The following MYO18A variants were observed in gnomAD, a reference collection of about 807,000 sequenced individuals.
MYO18A encodes myosin XVIIIA, also known as unconventional myosin-XVIIIa.
A neutral mutation model predicts 235.8 loss-of-function variants in MYO18A; 78 were observed. The observed-to-expected ratio is 0.33, with a 90% CI of 0.28 to 0.40. MYO18A has a LOEUF of 0.40. Ranked by LOEUF, MYO18A falls within the 10% of genes least tolerant of loss-of-function variation. The pLI is 1.00. For missense variants in MYO18A, 2,215 were observed against 2,699.3 expected (o/e 0.82, Z 3.98); for synonymous variants, 977 against 1,077.8 (o/e 0.91, Z 1.83).
intron 2 of MYO18A, among the ~76,000 whole-genome samples, chr17:29,127,119 C>T (rs1275496649): frequency 1.3e-5 from 2 of 152,224 alleles, no homozygotes; most frequent in Non-Finnish European, 2.9e-5. Flanking sequence ...TTCTAATCTT[C>T]TGGTTACTTA....
chr17:29,086,350 T>C lies in MYO18A; in HGVS notation c.5852+88A>G. ...GGCTTGCTCATGGGGAGGCAGAGGT[T>C]GCAACTGTTCTACCTGGTCGTCTGG... On this transcript the variant is annotated intron_variant, in intron 39 of 41. Transcript: ENST00000527372. 2.1e-6 allele frequency: 3 copies of C among 1,452,562 alleles called. No homozygotes were observed. The South Asian group carries it at 3.8e-5, about 18-fold the overall frequency. 90.0% of individuals were successfully genotyped at this position (1,452,562 alleles called of 1,614,324 possible).
intron 14 of MYO18A, 62 bp downstream of exon 14, chr17:29,114,845 C>T: frequency 9.2e-6 from 14 of 1,519,830 alleles, no homozygotes; most frequent in Non-Finnish European, 1.3e-5. Context: ...TCCACAGATG[C>T]CCTCGCTGTG....
At chr17:29,095,515 C>T (rs1304567613) in intron 28 of MYO18A, among the ~76,000 whole-genome samples, 1 of 152,240 alleles carries the variant, frequency 6.6e-6, no homozygotes, top group South Asian at 2.1e-4. Flanking sequence ...CTCTGGGCAC[C>T]AGCCTTTGGC....
rs2065892968 is a variant in MYO18A, at chr17:29,072,240, CTT to C, written c.*2528_*2529del. The C allele has an allele frequency of 1.0e-5, 1 of 99,656 alleles. No individual in the cohort carries two copies. Among genetic ancestry groups the C allele is most frequent in the Non-Finnish European group, 1.9e-5 (1 of 53,174 alleles). The allele number at this position is 99,656 out of a possible 1,614,324, so 6.2% of individuals were successfully genotyped here. ...TTTTTTTTTTTGTAAAAAAAAGTAA[CTT>C]AGGCCAGGCACAGTGGCTCATGCCT... On this transcript the variant is annotated 3_prime_UTR_variant, in exon 42 of 42. Transcript: ENST00000527372.
At chr17:29,076,829 T>G (rs977857134) in intron 41 of MYO18A, 1 of 152,208 alleles carries the variant, frequency 6.6e-6, no homozygotes, top group African/African-American at 2.4e-5. Flanking sequence ...GTGCCTGGCT[T>G]TGTGGAAAGA....
rs562320667 is a variant in MYO18A at position 29,150,252 on chromosome 17, T to A, written c.999+15690A>T. ...TAAAAAATAAAGCACAAACCCTATG[T>A]CCATAGAAACAGGAAGAAGCAAAAG... On this transcript the variant is annotated intron_variant, in intron 2 of 41. Transcript: ENST00000527372. Among the ~76,000 whole-genome samples, 4 of 152,326 alleles carry A rather than the reference T, an allele frequency of 2.6e-5. No homozygotes were observed. The East Asian group carries it at 5.8e-4, about 22-fold the overall frequency.
intron 2 of MYO18A, chr17:29,124,634 TG>T: frequency 7.8e-7 from 1 of 1,276,450 alleles, no homozygotes; most frequent in Non-Finnish European, 1.0e-6. Flanking sequence ...GGCTCCTGAG[TG>T]GGGGGAGAGC....
At chr17:29,090,736 T>C (rs1321611653) in intron 35 of MYO18A, 74 bp downstream of exon 35, 1 of 1,537,354 alleles carries the variant, frequency 6.5e-7, no homozygotes, top group Admixed American at 1.7e-5. Context: ...CAAGCGGTTG[T>C]GCGGGGGACC....
At chr17:29,133,307 G>A (rs1240330414) in intron 2 of MYO18A, among the ~76,000 whole-genome samples, 1 of 152,214 alleles carries the variant, frequency 6.6e-6, no homozygotes, top group Non-Finnish European at 1.5e-5. Context: ...CTATGCACAC[G>A]CATAAAGGCA....
chr17:29,166,871 T>C lies in MYO18A; in HGVS notation c.70A>G (p.Lys24Glu). The change falls in exon 2 of 42, where the codon AAA (lysine) becomes GAA (glutamate). Residue 24 changes from lysine to glutamate, a missense_variant. Coordinates refer to ENST00000527372, the MANE Select transcript of MYO18A (RefSeq NM_078471.4). ...TCTGCCGCTGACATCCGCTCCTTTTTCTCCTTTTTCTCCTTCTTCTCCTTC... is the reference window on the plus strand; with the variant it reads ...TCTGCCGCTGACATCCGCTCCTTTTCCTCCTTTTTCTCCTTCTTCTCCTTC... ...GRKEKKEKKE[K>E]KERMSAAELR... 1 of 1,553,014 alleles carries C rather than the reference T, an allele frequency of 6.4e-7. No individual in the cohort carries two copies. The highest frequency in any genetic ancestry group is 8.7e-7 in the Non-Finnish European group (1 of 1,147,826).
At chr17:29,122,398 G>A (rs1276786892) in intron 2 of MYO18A, 145 bp from the exon 3 acceptor site, 14 of 734,872 alleles carry the variant, frequency 1.9e-5, no homozygotes, top group African/African-American at 3.5e-5. Context: ...AGAACACAGG[G>A]ACATCAGAGG....
At chr17:29,103,567 A>ACAGG (rs2066708958) in intron 21 of MYO18A, 32 bp downstream of exon 21, 2 of 1,610,026 alleles carry the variant, frequency 1.2e-6, no homozygotes, top group African/African-American at 2.7e-5. Context: ...CCCTGGAGTG[A>ACAGG]GGCCCGACTG....
At chr17:29,080,864 CG>C in intron 41 of MYO18A, 1 of 985,506 alleles carries the variant, frequency 1.0e-6, no homozygotes, top group Non-Finnish European at 1.2e-6. Flanking sequence ...GCCGCCCGCT[CG>C]CTCAGGGAGG....
chr17:29,155,927 G>A (rs1264159576), intron 2 of MYO18A, among the ~76,000 whole-genome samples: 1 of 152,228 alleles, frequency 6.6e-6, no homozygotes, highest in Non-Finnish European at 1.5e-5. Context: ...GACATGCTAA[G>A]GTCCTACAGA....
intron 30 of MYO18A, chr17:29,094,444 T>C: frequency 1.6e-6 from 1 of 619,016 alleles, no homozygotes; most frequent in Non-Finnish European, 2.8e-6. Context: ...CTCCATCAGA[T>C]TTGTTTTTGT....
At chr17:29,081,987 G>A (rs1421746083) in intron 41 of MYO18A, among the ~76,000 whole-genome samples, 1 of 152,196 alleles carries the variant, frequency 6.6e-6, no homozygotes, top group Non-Finnish European at 1.5e-5. Flanking sequence ...AGTCCCCTGT[G>A]CCCCATCCCA....
chr17:29,099,592 C>A, intron 22 of MYO18A, 42 bp downstream of exon 22: 3 of 1,598,266 alleles, frequency 1.9e-6, no homozygotes, highest in South Asian at 2.3e-5. Flanking sequence ...TGGCTGTGCC[C>A]ATCTAGGTTG....
intron 2 of MYO18A, among the ~76,000 whole-genome samples, chr17:29,132,864 A>G (rs970744956): frequency 2.0e-5 from 3 of 152,208 alleles, no homozygotes; most frequent in South Asian, 2.1e-4. Flanking sequence ...AGGGAGGAAG[A>G]GTGGCAGGGT....
Position 29,094,026 on chromosome 17 carries a change from C to T in MYO18A, c.4775G>A (p.Ser1592Asn), listed in dbSNP as rs780280023. 5 of 1,612,418 alleles carry T rather than the reference C, an allele frequency of 3.1e-6. No homozygotes were observed. Among genetic ancestry groups the T allele is most frequent in the Non-Finnish European group, 4.2e-6 (5 of 1,179,444 alleles). The change falls in exon 31 of 42, where the codon AGT (serine) becomes AAT (asparagine). Residue 1592 changes from serine to asparagine, a missense_variant. Transcript: ENST00000527372. ...GGCCTCCTCCACCTCCTCATCCCGACTCTCCATCTCCTTAGAATGGGTCTG... is the reference window on the plus strand; with the variant it reads ...GGCCTCCTCCACCTCCTCATCCCGATTCTCCATCTCCTTAGAATGGGTCTG... ...MRQTHSKEMESRDEEVEEARQ... is the reference protein window; with the variant it reads ...MRQTHSKEMENRDEEVEEARQ...
Sources: gnomAD v4.1 joint callset for allele counts (sites outside exome capture counted in the v4.1 genomes callset) on GRCh38, gnomAD v4.1.1 for gene constraint, MANE v1.5 for transcripts, NCBI Gene and HGNC (gene_info 2026-07-23, HGNC 2026-07-21) for gene names.